GGT5: variants seen among roughly 807,000 people sequenced by gnomAD.
GGT5 encodes glutathione hydrolase 5 proenzyme.
Under a neutral mutation model 58.1 loss-of-function variants are expected in GGT5, and 50 were observed. The ratio of observed to expected loss-of-function variants is 0.86; its 90% CI spans 0.69 to 1.09. The LOEUF is 1.09. Among genes scored for constraint, GGT5 ranks in the 50% least tolerant of loss-of-function variants. The pLI is 0.00. For missense variants in GGT5, 800 were observed against 789.4 expected, an observed-to-expected ratio of 1.01 and a Z score of -0.16; for synonymous variants, 370 against 346.1, an observed-to-expected ratio of 1.07 and a Z score of -0.77.
At chr22:24,222,903 C>T (rs963946030) in intron 11 of GGT5, among the ~76,000 whole-genome samples, 2 of 151,850 alleles carry the variant, frequency 1.3e-5, no homozygotes, top group Admixed American at 6.6e-5. Context: ...CGGTGAAACC[C>T]TGTCTCTACT....
At chr22:24,231,843 G>C (rs1287087427) in intron 5 of GGT5, among the ~76,000 whole-genome samples, 1 of 152,146 alleles carries the variant, frequency 6.6e-6, no homozygotes, top group Non-Finnish European at 1.5e-5. Context: ...ACGCCCCTCT[G>C]CTGGCCCTAA....
In GGT5 at chr22:24,226,075, C is replaced by T. The variant is rs372682332; in HGVS notation, c.1229+1G>A. ...TCCGCCTTCCCCCAGGCCCTACGCACGGTGTGTTGATGGTGCTGGTGGCAG... is the reference window on the plus strand; with the variant it reads ...TCCGCCTTCCCCCAGGCCCTACGCATGGTGTGTTGATGGTGCTGGTGGCAG... On this transcript the variant is annotated splice_donor_variant, in intron 8 of 11. Transcript: ENST00000327365. LOFTEE classifies it high-confidence loss of function. The T allele has an allele frequency of 8.7e-5, 137 of 1,582,180 alleles. No individual in the cohort carries two copies. The highest frequency in any genetic ancestry group is 1.1e-4 in the Non-Finnish European group (129 of 1,160,842).
chr22:24,219,774 G>A lies in GGT5; in HGVS notation c.*196C>T. On this transcript the variant is annotated 3_prime_UTR_variant, in exon 12 of 12. Coordinates refer to ENST00000327365, the MANE Select transcript of GGT5 (RefSeq NM_004121.5). Reference sequence around the variant, plus strand: ...GAGGGGCCGGTTCAGGACCACCAGGGGCTCTGGGAAAGGGGGTTAGGGATG... The same window carrying A: ...GAGGGGCCGGTTCAGGACCACCAGGAGCTCTGGGAAAGGGGGTTAGGGATG... 2 of 591,742 alleles carry A rather than the reference G, an allele frequency of 3.4e-6. No homozygotes were observed. Among genetic ancestry groups the A allele is most frequent in the Non-Finnish European group, 6.0e-6 (2 of 335,014 alleles). 36.7% of individuals were successfully genotyped at this position (591,742 alleles called of 1,614,324 possible). A position where few individuals can be genotyped will look rare whatever the true frequency, so the allele number is the denominator to read the frequency against.
Position 24,225,092 on chromosome 22 carries a change from C to T in GGT5, c.1518G>A (p.Lys506=), listed in dbSNP as rs1036547052. The T allele has an allele frequency of 3.1e-6, 5 of 1,602,440 alleles. No homozygotes were observed. The highest frequency in any genetic ancestry group is 4.3e-6 in the Non-Finnish European group (5 of 1,174,426). ...ISAVAQAIMS[K]LWLGFDLRAA... ...CTCTCAGGTCAAAGCCAAGCCACAG[C>T]TTGCTCATGATGGCCTGGGGGAGAG... The change falls in exon 11 of 12, where the codon AAG becomes AAA. Residue 506 remains lysine, a synonymous_variant. Coordinates refer to ENST00000327365, the MANE Select transcript of GGT5 (RefSeq NM_004121.5).
In GGT5 at chr22:24,225,366, G is replaced by A. The variant is rs1273650807; in HGVS notation, c.1382C>T (p.Pro461Leu). The A allele has an allele frequency of 6.2e-7, 1 of 1,611,812 alleles. No homozygotes were observed. The highest frequency in any genetic ancestry group is 1.3e-5 in the African/African-American group (1 of 74,882). ...GGATGGGGAACGCTCGCCTGGAACT[G>A]GGGGCCAGCACCTTCCGGGAGCTCC... ...VGGAPGRCWP[P>L]VPGERSPSSM... The change falls in exon 10 of 12, where the codon CCA becomes CTA. Residue 461 changes from proline to leucine, a missense_variant. Coordinates refer to ENST00000327365, the MANE Select transcript of GGT5 (RefSeq NM_004121.5).
chr22:24,225,993 A>C, intron 8 of GGT5, 83 bp downstream of exon 8: 1 of 982,896 alleles, frequency 1.0e-6, no homozygotes, highest in East Asian at 2.6e-5. Context: ...CCGTGGGGAC[A>C]AGTGAGGGGA....
At chr22:24,238,247 A>AT (rs1339537013) in intron 1 of GGT5, among the ~76,000 whole-genome samples, 6 of 145,400 alleles carry the variant, frequency 4.1e-5, no homozygotes, top group Non-Finnish European at 7.6e-5. Flanking sequence ...AAAAAAAAAA[A>AT]GGCCAGGCGC....
intron 1 of GGT5, among the ~76,000 whole-genome samples, chr22:24,239,169 TCTA>T (rs1288128822): frequency 1.3e-5 from 2 of 148,580 alleles, no homozygotes; most frequent in African/African-American, 5.0e-5. Flanking sequence ...GAAACCCGTC[TCTA>T]CTAAAAAATA....
Position 24,226,060 on chromosome 22 carries a change from C to A in GGT5, c.1229+16G>T. 1.3e-6 allele frequency: 2 copies of A among 1,546,598 alleles called. No individual in the cohort carries two copies. The highest frequency in any genetic ancestry group is 2.3e-5 in the East Asian group (1 of 43,478). On this transcript the variant is annotated intron_variant, in intron 8 of 11. Coordinates refer to ENST00000327365, the MANE Select transcript of GGT5 (RefSeq NM_004121.5). ...GGAGGAGTGAAGCCATCCGCCTTCCCCCAGGCCCTACGCACGGTGTGTTGA... is the reference window on the plus strand; with the variant it reads ...GGAGGAGTGAAGCCATCCGCCTTCCACCAGGCCCTACGCACGGTGTGTTGA...
chr22:24,236,018 C>T (rs1030985011), intron 1 of GGT5, among the ~76,000 whole-genome samples: 25 of 152,146 alleles, frequency 1.6e-4, no homozygotes, highest in African/African-American at 5.3e-4. Context: ...GTGAGTCCAT[C>T]CAGGCTCATG....
rs776163245 is a variant in GGT5 at position 24,225,579 on chromosome 22, A to G, written c.1303T>C (p.Cys435Arg). The G allele has an allele frequency of 6.2e-6, 10 of 1,612,980 alleles. No individual in the cohort carries two copies. The African/African-American group carries it at 1.1e-4, about 17-fold the overall frequency. Residue 435 changes from cysteine to arginine, a missense_variant, in exon 9 of 12, where the codon TGC becomes CGC. Cys to Arg is a radical substitution (Grantham distance 180, BLOSUM62 -3). Coordinates refer to ENST00000327365, the MANE Select transcript of GGT5 (RefSeq NM_004121.5). ...NNELLDLCER[C>R]PRGSGTTPSP... is the part of the protein sequence containing the mutation. ...GGGGTGGTGCCGGAACCCCGGGGGC[A>G]TCGCTCGCATAAGTCCAGGAGCTCG...
chr22:24,243,187 A>T (rs1388543522), intron 1 of GGT5: 1 of 152,146 alleles, frequency 6.6e-6, no homozygotes, highest in African/African-American at 2.4e-5. Flanking sequence ...TCTCATTTGC[A>T]TCTTTGCAAC....
intron 11 of GGT5, among the ~76,000 whole-genome samples, chr22:24,221,427 C>T (rs2047586046): frequency 6.6e-6 from 1 of 151,996 alleles, no homozygotes; most frequent in East Asian, 1.9e-4. Context: ...ACTGGCTCAT[C>T]TGACCTTGTG....
intron 6 of GGT5, among the ~76,000 whole-genome samples, chr22:24,230,694 T>G (rs1601398367): frequency 1.3e-5 from 2 of 152,348 alleles, no homozygotes; most frequent in East Asian, 3.9e-4. Context: ...TTCACCTCCC[T>G]GAATACACAC....
rs1007694530 is a variant in GGT5, at chr22:24,232,941, C to T, written c.478G>A (p.Ala160Thr). The change falls in exon 4 of 12, where the codon GCG (alanine) becomes ACG (threonine). Residue 160 changes from alanine to threonine, a missense_variant. Physicochemically the swap from Ala to Thr is moderately conservative, Grantham distance 58. Transcript: ENST00000327365. The stretch of plus-strand genomic sequence containing the variant: ...GCGATGGTGGGCTGGAACAGCTGCG[C>T]CCAGGGCAGGCGGCCATGGCGGCGG... ...AHRRHGRLPW[A>T]QLFQPTIALL... 2 of 1,571,876 alleles carry T rather than the reference C, an allele frequency of 1.3e-6. No individual in the cohort carries two copies. The highest frequency in any genetic ancestry group is 2.7e-5 in the African/African-American group (2 of 73,984).
rs1488934199 is a variant in GGT5, at chr22:24,244,681, A to C, written c.45T>G (p.Gly15=). 1 of 1,612,772 alleles carries C rather than the reference A, an allele frequency of 6.2e-7. No homozygotes were observed. Among genetic ancestry groups the C allele is most frequent in the South Asian group, 1.1e-5 (1 of 91,032 alleles). ...CAATGACAGCCAGCGCCAGCCCCAG[A>C]CCCAGCAGGACTAGGCTGACCGTGG... ...YGATVSLVLL[G]LGLALAVIVL... Residue 15 remains glycine, a synonymous_variant, in exon 1 of 12, where the codon GGT becomes GGG. Coordinates refer to ENST00000327365, the MANE Select transcript of GGT5 (RefSeq NM_004121.5).
At chr22:24,227,359 G>A (rs1431828885) in intron 6 of GGT5, among the ~76,000 whole-genome samples, 3 of 151,172 alleles carry the variant, frequency 2.0e-5, no homozygotes, top group African/African-American at 7.4e-5. Flanking sequence ...TGATTCTCCC[G>A]CCTCAGCCTC....
chr22:24,244,398 TCACA>T (rs2048413955), intron 1 of GGT5, 151 bp downstream of exon 1: 8 of 679,292 alleles, frequency 1.2e-5, no homozygotes, highest in Admixed American at 5.0e-5. Context: ...TCACATACAC[TCACA>T]CACACCCACA....
rs368186047 is a variant in GGT5, at chr22:24,244,767, C to T, written c.-42G>A. On this transcript the variant is annotated 5_prime_UTR_variant, in exon 1 of 12. Transcript: ENST00000327365. ...AGGAGAGGGGCGGCTGGTGGGCAGA[C>T]GGAGGGACGGATGGGTGGGCAGATG... The T allele has an allele frequency of 1.0e-4, 162 of 1,560,616 alleles. No homozygotes were observed. In the African/African-American group the frequency reaches 1.4e-3, roughly 14 times the overall value.
Sources: allele counts gnomAD v4.1 joint callset (sites outside exome capture counted in the v4.1 genomes callset), GRCh38; gene constraint gnomAD v4.1.1; transcripts MANE v1.5; gene names NCBI Gene and HGNC (gene_info 2026-07-23, HGNC 2026-07-21).